The following NFASC variants were observed in gnomAD, a reference collection of about 807,000 sequenced individuals.
NFASC encodes neurofascin.
In NFASC, 43 loss-of-function variants were observed where a neutral mutation model predicts 147.5. The ratio of observed to expected loss-of-function variants is 0.29; its 90% CI spans 0.23 to 0.38. The LOEUF is 0.38. NFASC is among the 10% of genes least tolerant of loss of function. The pLI, the probability that NFASC is intolerant of heterozygous loss-of-function variation, is 1.00. For synonymous variants in NFASC, 622 were observed against 665.5 expected, an observed-to-expected ratio of 0.93 and a Z score of 1.01; for missense variants, 1,320 against 1,689.0, an observed-to-expected ratio of 0.78 and a Z score of 3.83.
At chr1:204,949,988 T>C (rs1230582157) in intron 3 of NFASC, among the ~76,000 whole-genome samples, 3 of 152,248 alleles carry the variant, frequency 2.0e-5, no homozygotes, top group East Asian at 1.9e-4. Context: ...ATAGAAGCAA[T>C]GTACCATGAA....
At chr1:204,946,395 T>C in intron 3 of NFASC, 1 of 480,730 alleles carries the variant, frequency 2.1e-6, no homozygotes, top group African/African-American at 1.9e-5. Flanking sequence ...ACAGCACCTC[T>C]CTGATGGAGA....
intron 1 of NFASC, among the ~76,000 whole-genome samples, chr1:204,830,877 A>T (rs6593913): frequency 6.6e-6 from 1 of 151,994 alleles, no homozygotes; most frequent in African/African-American, 2.4e-5. Context: ...AATCCAAGTG[A>T]CTGGACTCCT....
intron 4 of NFASC, among the ~76,000 whole-genome samples, chr1:204,951,411 G>A (rs542932950): frequency 3.1e-4 from 45 of 147,380 alleles, no homozygotes; most frequent in Middle Eastern, 3.7e-3. Context: ...AAATCCATCC[G>A]CCTCAGCCTC....
chr1:204,943,592 A>C (rs765231396), intron 2 of NFASC, among the ~76,000 whole-genome samples: 2 of 152,236 alleles, frequency 1.3e-5, no homozygotes, highest in Non-Finnish European at 2.9e-5. Flanking sequence ...AATGACAAAA[A>C]GTCCTTTGTG....
rs1363805339 is a variant in NFASC, at chr1:204,979,012, G to A, written c.1921G>A (p.Glu641Lys). Residue 641 changes from glutamate (E) to lysine (K), a missense_variant, in exon 18 of 30, where the codon GAG becomes AAG. Around this residue, in one of 3 missense-constraint regions of NFASC, gnomAD observed 981 missense variants for 1,289.5 expected, o/e 0.76. Coordinates refer to ENST00000339876, the MANE Select transcript of NFASC (RefSeq NM_001005388.3). The surrounding 1 kb of genome is among the most constrained non-coding windows in gnomAD (Gnocchi z 6.0). ...GGACCTGGAGCTGACCGACCTGGCCGAGAGGAGCGTGCGGCTGACCTGGAT... is the reference window on the plus strand; with the variant it reads ...GGACCTGGAGCTGACCGACCTGGCCAAGAGGAGCGTGCGGCTGACCTGGAT... ...PRDLELTDLAERSVRLTWIPG... is the reference protein window; with the variant it reads ...PRDLELTDLAKRSVRLTWIPG... The A allele has an allele frequency of 6.4e-6, 10 of 1,564,852 alleles. No individual in the cohort carries two copies. Among genetic ancestry groups the A allele is most frequent in the Non-Finnish European group, 7.8e-6 (9 of 1,153,734 alleles).
At chr1:204,849,311 T>C (rs1406709429) in intron 1 of NFASC, among the ~76,000 whole-genome samples, 3 of 152,242 alleles carry the variant, frequency 2.0e-5, no homozygotes, top group Non-Finnish European at 4.4e-5. Context: ...ACCATCACCA[T>C]CAAGGTCACC....
chr1:204,955,529 A>C (rs1365884747), intron 7 of NFASC, among the ~76,000 whole-genome samples: 1 of 152,086 alleles, frequency 6.6e-6, no homozygotes, highest in Non-Finnish European at 1.5e-5. Flanking sequence ...TGATGGGGAG[A>C]TAGGGTATCT....
intron 1 of NFASC, among the ~76,000 whole-genome samples, chr1:204,908,692 A>G (rs1371971270): frequency 6.6e-6 from 1 of 152,048 alleles, no homozygotes; most frequent in Non-Finnish European, 1.5e-5. Context: ...GTGTGTGCCC[A>G]TTTCCTACCA....
intron 2 of NFASC, among the ~76,000 whole-genome samples, chr1:204,928,764 G>A (rs1308037544): frequency 6.6e-6 from 1 of 152,178 alleles, no homozygotes; most frequent in Non-Finnish European, 1.5e-5. Flanking sequence ...TAGTTGTGGT[G>A]TGGCAGTGAG....
At chr1:204,874,972 T>C (rs2078461555) in intron 1 of NFASC, among the ~76,000 whole-genome samples, 1 of 152,274 alleles carries the variant, frequency 6.6e-6, no homozygotes, top group Middle Eastern at 3.4e-3. Flanking sequence ...TGGAGGCAAA[T>C]ACCACAATCC....
chr1:204,850,005 A>G (rs537418681), intron 1 of NFASC, among the ~76,000 whole-genome samples: 1 of 152,148 alleles, frequency 6.6e-6, no homozygotes, highest in Non-Finnish European at 1.5e-5. Context: ...GTTCAATCCC[A>G]TGGTGCTGCC....
chr1:204,984,689 C>T (rs1024416969), intron 21 of NFASC, among the ~76,000 whole-genome samples: 6 of 152,132 alleles, frequency 3.9e-5, no homozygotes, highest in Admixed American at 1.3e-4. Context: ...CAGCCAACTC[C>T]AGATAACCCA....
intron 3 of NFASC, 66 bp downstream of exon 3, chr1:204,944,472 G>GTGTC: frequency 2.5e-6 from 1 of 402,580 alleles, no homozygotes; most frequent in Non-Finnish European, 5.0e-6. Context: ...GGAGGGGAGG[G>GTGTC]AAGGTCAGAG....
At chr1:204,879,691 G>A (rs1429164455) in intron 1 of NFASC, among the ~76,000 whole-genome samples, 1 of 152,184 alleles carries the variant, frequency 6.6e-6, no homozygotes, top group Non-Finnish European at 1.5e-5. Context: ...CAGTTCTTTT[G>A]GAAATGGGAA....
intron 1 of NFASC, among the ~76,000 whole-genome samples, chr1:204,864,630 T>C (rs145104581): frequency 3.5e-4 from 53 of 152,362 alleles, no homozygotes; most frequent in African/African-American, 1.3e-3. Flanking sequence ...TAATGATTAA[T>C]GATATTGAAC....
intron 1 of NFASC, among the ~76,000 whole-genome samples, chr1:204,903,223 T>C (rs1425114227): frequency 1.3e-5 from 2 of 152,198 alleles, no homozygotes; most frequent in East Asian, 3.8e-4. Context: ...GGGTGGTGGG[T>C]ACAAGTGGCT....
chr1:204,957,894 A>C, intron 8 of NFASC, 68 bp downstream of exon 8: 2 of 1,463,620 alleles, frequency 1.4e-6, no homozygotes, highest in Non-Finnish European at 1.9e-6. Flanking sequence ...ACCCAGCCCT[A>C]GGTACCTGAG....
intron 1 of NFASC, among the ~76,000 whole-genome samples, chr1:204,899,044 C>T (rs377484036): frequency 1.3e-4 from 20 of 152,226 alleles, no homozygotes; most frequent in African/African-American, 4.6e-4. Flanking sequence ...CTGCGAAGTC[C>T]GGACTGGAGG....
chr1:204,997,574 C>T (rs1188738763), intron 25 of NFASC, 168 bp downstream of exon 25: 3 of 766,204 alleles, frequency 3.9e-6, no homozygotes, highest in African/African-American at 3.4e-5. Context: ...ATGCTCAGTC[C>T]CGTAGCCTGG....
Sources: gnomAD v4.1 joint callset for allele counts (sites outside exome capture counted in the v4.1 genomes callset) on GRCh38, gnomAD v4.1.1 for gene constraint, gnomAD v4.1.1 regional missense constraint, Gnocchi (gnomAD v3.1) non-coding constraint, MANE v1.5 for transcripts, NCBI Gene and HGNC (gene_info 2026-07-23, HGNC 2026-07-21) for gene names.